The following NEDD4L variants were observed in gnomAD, a reference collection of about 807,000 sequenced individuals.
NEDD4L encodes the protein NEDD4 like E3 ubiquitin protein ligase.
A neutral mutation model predicts 148.9 loss-of-function variants in NEDD4L; 54 were observed. That is an observed-to-expected ratio of 0.36 (90% CI 0.29 to 0.45). NEDD4L has a LOEUF of 0.45. Among genes scored for constraint, NEDD4L ranks in the 20% least tolerant of loss-of-function variants. NEDD4L has a pLI of 1.00. For missense variants in NEDD4L, 856 were observed against 1,233.8 expected (o/e 0.69, Z 4.59); for synonymous variants, 433 against 440.7 (o/e 0.98, Z 0.22).
In NEDD4L at chr18:58,217,519, G is replaced by A. The variant is rs149139047; in HGVS notation, c.123-27908G>A. On this transcript the variant is annotated intron_variant, in intron 2 of 30. Coordinates refer to ENST00000400345, the MANE Select transcript of NEDD4L (RefSeq NM_001144967.3). ...GCTAGGGTCTCGCTCTGTCACCCAC[G>A]AGTGTGGTGCCATGGTGTGATTGCA... is the stretch of plus-strand genomic sequence containing the variant. Among the ~76,000 whole-genome samples the A allele has an allele frequency of 4.0e-3, 602 of 151,986 alleles. 2 individuals carry two copies. The highest frequency in any genetic ancestry group is 6.0e-3 in the Non-Finnish European group (410 of 67,960).
In NEDD4L at chr18:58,335,395, G is replaced by T. The variant is rs541125204; in HGVS notation, c.1066-83G>T. On this transcript the variant is annotated intron_variant, in intron 12 of 30. Coordinates refer to ENST00000400345, the MANE Select transcript of NEDD4L (RefSeq NM_001144967.3). Reference sequence around the variant, plus strand: ...GATCTCACGTCACCTGCCTTACAGCGCTGCCACAGCAGTGGGCCCTGATTC... The same window carrying T: ...GATCTCACGTCACCTGCCTTACAGCTCTGCCACAGCAGTGGGCCCTGATTC... 2.4e-5 allele frequency: 27 copies of T among 1,118,166 alleles called. No homozygotes were observed. In the African/African-American group the frequency reaches 4.1e-4, roughly 17 times the overall value. The allele number at this position is 1,118,166 out of a possible 1,614,324, so 69.3% of individuals were successfully genotyped here. A position where few individuals can be genotyped will look rare whatever the true frequency, so the allele number is the denominator to read the frequency against.
chr18:58,188,162 T>C (rs2039682032), intron 2 of NEDD4L, among the ~76,000 whole-genome samples: 4 of 152,186 alleles, frequency 2.6e-5, no homozygotes, highest in Non-Finnish European at 5.9e-5. Flanking sequence ...CTGTGCCTGA[T>C]GCCCAGGCCA....
At chr18:58,107,018 C>A (rs563981523) in intron 1 of NEDD4L, among the ~76,000 whole-genome samples, 3 of 152,128 alleles carry the variant, frequency 2.0e-5, no homozygotes, top group Non-Finnish European at 4.4e-5. Flanking sequence ...AGTCGAAGAT[C>A]AAAGTGTTGA....
intron 24 of NEDD4L, among the ~76,000 whole-genome samples, chr18:58,374,796 T>G (rs867169253): frequency 4.6e-5 from 7 of 152,144 alleles, no homozygotes; most frequent in Admixed American, 1.3e-4. Flanking sequence ...GCCCTGTGGA[T>G]GCAGGTGTCA....
intron 1 of NEDD4L, among the ~76,000 whole-genome samples, chr18:58,111,136 C>T (rs543966116): frequency 1.1e-4 from 17 of 152,174 alleles, no homozygotes; most frequent in South Asian, 6.2e-4. Flanking sequence ...GGCACAATCT[C>T]GGCTTACTGC....
chr18:58,049,644 C>T (rs891783368), intron 1 of NEDD4L, among the ~76,000 whole-genome samples: 2 of 152,104 alleles, frequency 1.3e-5, no homozygotes, highest in Non-Finnish European at 2.9e-5. Flanking sequence ...CATTTAAAAT[C>T]AGTTTTTAAA....
At chr18:58,236,490 G>A (rs1247045624) in intron 2 of NEDD4L, among the ~76,000 whole-genome samples, 2 of 152,194 alleles carry the variant, frequency 1.3e-5, no homozygotes, top group Non-Finnish European at 2.9e-5. Context: ...AAGTATTCAC[G>A]GACTGTGGTG....
Position 58,204,744 on chromosome 18 carries a change from A to C in NEDD4L, c.122+38883A>C, listed in dbSNP as rs141057917. On this transcript the variant is annotated intron_variant, in intron 2 of 30. Transcript: ENST00000400345. ...TAGTCCATCATGTTCTTCACATTAGACACTCATTACATAAAAGGTTTTATA... is the reference window on the plus strand; with the variant it reads ...TAGTCCATCATGTTCTTCACATTAGCCACTCATTACATAAAAGGTTTTATA... 2.0e-3 allele frequency among the ~76,000 whole-genome samples: 304 copies of C among 152,370 alleles called. 2 individuals are homozygous for C. Among genetic ancestry groups the C allele is most frequent in the African/African-American group, 6.9e-3 (285 of 41,590 alleles).
At chr18:58,286,885 A>G (rs1404026856) in intron 5 of NEDD4L, among the ~76,000 whole-genome samples, 1 of 152,202 alleles carries the variant, frequency 6.6e-6, no homozygotes, top group Admixed American at 6.5e-5. Context: ...TCATGATTTG[A>G]GAGTCATCTA....
chr18:58,290,504 G>C (rs1371866977), intron 5 of NEDD4L, among the ~76,000 whole-genome samples: 1 of 152,172 alleles, frequency 6.6e-6, no homozygotes, highest in African/African-American at 2.4e-5. Flanking sequence ...ATAAACAACA[G>C]TGGCTAGGCT....
chr18:58,368,578 G>A (rs552743040), intron 22 of NEDD4L, among the ~76,000 whole-genome samples: 4 of 152,316 alleles, frequency 2.6e-5, no homozygotes, highest in Admixed American at 2.0e-4. Flanking sequence ...GGGAGAGTAG[G>A]ATTTGAGATT....
rs1419417519 is a variant in NEDD4L, at chr18:58,387,417, A to G, written c.2488-22A>G. 7 of 1,505,588 alleles carry G rather than the reference A, an allele frequency of 4.6e-6. No individual in the cohort carries two copies. The South Asian group carries it at 7.9e-5, about 17-fold the overall frequency. The allele number at this position is 1,505,588 out of a possible 1,614,324, so 93.3% of individuals were successfully genotyped here. On this transcript the variant is annotated intron_variant, in intron 26 of 30. Transcript: ENST00000400345. ...TTTTTGAAGGCAATAGGTGTTTAAG[A>G]TGTTTTTTTTTTTTCTTTCAGGGAT... is the stretch of plus-strand genomic sequence containing the variant.
chr18:58,044,548 C>G lies in NEDD4L; in HGVS notation c.-113C>G. The G allele has an allele frequency of 7.8e-7, 1 of 1,277,766 alleles. No individual in the cohort carries two copies. Among genetic ancestry groups the G allele is most frequent in the African/African-American group, 1.5e-5 (1 of 64,860 alleles). The allele number at this position is 1,277,766 out of a possible 1,614,324, so 79.2% of individuals were successfully genotyped here. ...CCGGCCGCTTACCCGGCAGGGCGTG[C>G]GCAGGGTAGGGTGCGGGACCGGGGG... On this transcript the variant is annotated 5_prime_UTR_variant, in exon 1 of 31. Transcript: ENST00000400345.
At chr18:58,307,147 C>A (rs2057164617) in intron 5 of NEDD4L, among the ~76,000 whole-genome samples, 1 of 152,104 alleles carries the variant, frequency 6.6e-6, no homozygotes, top group South Asian at 2.1e-4. Context: ...GAAATGGCTC[C>A]CCGGGAGAGC....
chr18:58,342,114 G>T (rs917966095), intron 15 of NEDD4L, among the ~76,000 whole-genome samples: 2 of 152,210 alleles, frequency 1.3e-5, no homozygotes, highest in African/African-American at 2.4e-5. Flanking sequence ...TACCTCATTA[G>T]AATTGCGTAA....
Position 58,400,781 on chromosome 18 carries a change from G to C in NEDD4L, c.*4512G>C, listed in dbSNP as rs1405524112. 2 of 152,154 alleles carry C rather than the reference G, an allele frequency of 1.3e-5. No individual in the cohort carries two copies. The highest frequency in any genetic ancestry group is 2.9e-5 in the Non-Finnish European group (2 of 68,034). The allele number at this position is 152,154 out of a possible 1,614,324, so 9.4% of individuals were successfully genotyped here. A position where few individuals can be genotyped will look rare whatever the true frequency, so the allele number is the denominator to read the frequency against. On this transcript the variant is annotated 3_prime_UTR_variant, in exon 31 of 31. Transcript: ENST00000400345. ...CATAACTCTGTGTCTGCAGATATGT[G>C]TTCCCGTGTAAGCCAGTTTTCCCCT...
In NEDD4L at chr18:58,396,404, G is replaced by A. The variant is rs1352201749; in HGVS notation, c.*135G>A. On this transcript the variant is annotated 3_prime_UTR_variant, in exon 31 of 31. Coordinates refer to ENST00000400345, the MANE Select transcript of NEDD4L (RefSeq NM_001144967.3). ...GTCCCTGGAGCCGAGCCTTCACCACGCACTCGTCCAAGTTCGGATGCGGGA... is the reference window on the plus strand; with the variant it reads ...GTCCCTGGAGCCGAGCCTTCACCACACACTCGTCCAAGTTCGGATGCGGGA... The A allele has an allele frequency of 1.8e-5, 11 of 602,178 alleles. No individual in the cohort carries two copies. Among genetic ancestry groups the A allele is most frequent in the South Asian group, 1.4e-4 (7 of 50,452 alleles). 37.3% of individuals were successfully genotyped at this position (602,178 alleles called of 1,614,324 possible). A position where few individuals can be genotyped will look rare whatever the true frequency, so the allele number is the denominator to read the frequency against.
At chr18:58,227,587 T>C (rs1421427707) in intron 2 of NEDD4L, among the ~76,000 whole-genome samples, 1 of 152,208 alleles carries the variant, frequency 6.6e-6, no homozygotes, top group East Asian at 1.9e-4. Context: ...GAGTCTGCTT[T>C]CCTTGCTTCT....
chr18:58,049,749 G>A (rs961733848), intron 1 of NEDD4L, among the ~76,000 whole-genome samples: 1 of 152,178 alleles, frequency 6.6e-6, no homozygotes, highest in African/African-American at 2.4e-5. Flanking sequence ...GGCCGAGGCA[G>A]GAGAATCACT....
Sources: gnomAD v4.1 joint callset for allele counts (sites outside exome capture counted in the v4.1 genomes callset) on GRCh38, gnomAD v4.1.1 for gene constraint, MANE v1.5 for transcripts, NCBI Gene and HGNC (gene_info 2026-07-23, HGNC 2026-07-21) for gene names.